ARL1: variants seen among roughly 807,000 people sequenced by gnomAD.
The protein encoded by ARL1 is ARF like GTPase 1, also known as ADP-ribosylation factor-like protein 1.
ARL1 carries 17 observed loss-of-function variants against 30.1 expected under a neutral mutation model. The observed-to-expected ratio is 0.56, with a 90% CI of 0.39 to 0.85. ARL1 has a LOEUF of 0.85. Among genes scored for constraint, ARL1 ranks in the 40% least tolerant of loss-of-function variants. The probability of loss-of-function intolerance (pLI) is 0.00; values close to 1 mark genes in which losing one functional copy is unlikely to be tolerated. For missense variants in ARL1, 102 were observed against 212.6 expected (o/e 0.48, Z 3.24); for synonymous variants, 58 against 71.7 (o/e 0.81, Z 0.97).
chr12:101,406,714 C>T (rs148919084), intron 1 of ARL1, among the ~76,000 whole-genome samples: 1 of 152,122 alleles, frequency 6.6e-6, no homozygotes, highest in Non-Finnish European at 1.5e-5. Context: ...CTAAGAGCTG[C>T]GAGTTGAAAA....
At chr12:101,396,355 G>T in intron 5 of ARL1, 44 bp downstream of exon 5, 1 of 1,610,338 alleles carries the variant, frequency 6.2e-7, no homozygotes, top group South Asian at 1.1e-5. Flanking sequence ...ATAGCTGCAA[G>T]CACACACAAA....
At position 101,405,342 on chromosome 12, in the gene ARL1, T is replaced by C. The variant is rs947997200; in HGVS notation, c.142+502A>G. ...TAACATCACTTAACATTTATATAAT[T>C]CTTTACACAGATTTAAAAGGTACTT... On this transcript the variant is annotated intron_variant, in intron 2 of 5. Transcript: ENST00000261636. Among the ~76,000 whole-genome samples the C allele has an allele frequency of 2.9e-4, 44 of 152,304 alleles. 1 individual carries two copies. The highest frequency in any genetic ancestry group is 1.0e-3 in the African/African-American group (42 of 41,552).
chr12:101,395,804 C>T (rs915686298), intron 5 of ARL1, 134 bp from the exon 6 acceptor site: 4 of 614,256 alleles, frequency 6.5e-6, no homozygotes, highest in Non-Finnish European at 1.1e-5. Context: ...TGAGGTTATG[C>T]ACTAGATATC....
At chr12:101,399,749 G>C (rs1871253358) in intron 4 of ARL1, among the ~76,000 whole-genome samples, 1 of 151,674 alleles carries the variant, frequency 6.6e-6, no homozygotes, top group Admixed American at 6.6e-5. Context: ...TTTAAAAATG[G>C]ATTATTTAAT....
intron 5 of ARL1, among the ~76,000 whole-genome samples, chr12:101,395,953 A>C (rs1474937053): frequency 1.3e-5 from 2 of 152,204 alleles, no homozygotes; most frequent in Non-Finnish European, 2.9e-5. Context: ...CTCAATCCTC[A>C]AGGAGGTGAT....
Position 101,401,462 on chromosome 12 carries a change from C to T in ARL1, c.225-289G>A, listed in dbSNP as rs1446809113. The T allele has an allele frequency of 1.7e-5, 3 of 175,408 alleles. No homozygotes were observed. In the Admixed American group the frequency reaches 1.9e-4, roughly 11 times the overall value. The allele number at this position is 175,408 out of a possible 1,614,324, so 10.9% of individuals were successfully genotyped here. ...GACCAGCCTGACCAACATGGAGAAA[C>T]CCCATCTCTACTAAAAATACAAAAT... On this transcript the variant is annotated intron_variant, in intron 3 of 5. Transcript: ENST00000261636.
In ARL1 at chr12:101,395,470, A is replaced by G; in HGVS notation, c.*170T>C. ...AACATTCAGGTGATTCGATCAAATT[A>G]TCCCTCCAACTAAATACTTATTTTC... On this transcript the variant is annotated 3_prime_UTR_variant, in exon 6 of 6. Transcript: ENST00000261636. 1 of 574,460 alleles carries G rather than the reference A, an allele frequency of 1.7e-6. No homozygotes were observed. 35.6% of individuals were successfully genotyped at this position (574,460 alleles called of 1,614,324 possible). A position where few individuals can be genotyped will look rare whatever the true frequency, so the allele number is the denominator to read the frequency against.
intron 1 of ARL1, among the ~76,000 whole-genome samples, 153 bp from the exon 2 acceptor site, chr12:101,406,134 A>G (rs2121128847): frequency 6.6e-6 from 1 of 152,324 alleles, no homozygotes; most frequent in East Asian, 1.9e-4. Context: ...AATGAAATAT[A>G]TTATTCAATA....
chr12:101,406,311 C>T (rs1871439081), intron 1 of ARL1, among the ~76,000 whole-genome samples: 1 of 152,082 alleles, frequency 6.6e-6, no homozygotes, highest in South Asian at 2.1e-4. Context: ...CCTCACTACC[C>T]CTAAAAACCA....
At chr12:101,404,929 T>C (rs1871398687) in intron 2 of ARL1, among the ~76,000 whole-genome samples, 1 of 152,242 alleles carries the variant, frequency 6.6e-6, no homozygotes, top group South Asian at 2.1e-4. Flanking sequence ...TGGAGTGCAA[T>C]GGTGCAATCT....
chr12:101,404,314 T>C (rs1040971106), intron 2 of ARL1, among the ~76,000 whole-genome samples: 5 of 151,550 alleles, frequency 3.3e-5, no homozygotes, highest in Non-Finnish European at 7.4e-5. Context: ...GAGGTAGAGG[T>C]AGAGGTAGAC....
chr12:101,400,938 T>A, intron 4 of ARL1, 124 bp downstream of exon 4: 1 of 685,120 alleles, frequency 1.5e-6, no homozygotes, highest in Non-Finnish European at 2.4e-6. Context: ...AGAAAATCAT[T>A]TCCATAAAAG....
At chr12:101,398,689 C>T (rs1477762921) in intron 4 of ARL1, among the ~76,000 whole-genome samples, 1 of 152,048 alleles carries the variant, frequency 6.6e-6, no homozygotes, top group Non-Finnish European at 1.5e-5. Flanking sequence ...CCACCTGCCT[C>T]GGCCTCCCAA....
At chr12:101,405,786 G>A in intron 2 of ARL1, 58 bp downstream of exon 2, 2 of 1,471,908 alleles carry the variant, frequency 1.4e-6, no homozygotes, top group Non-Finnish European at 1.8e-6. Context: ...GAAAGAAATA[G>A]TTATGTTGGA....
At chr12:101,400,610 C>T (rs1197564541) in intron 4 of ARL1, among the ~76,000 whole-genome samples, 3 of 152,024 alleles carry the variant, frequency 2.0e-5, no homozygotes, top group Non-Finnish European at 4.4e-5. Flanking sequence ...TGTGCAAGCT[C>T]GTGTCCAAAG....
chr12:101,407,805 C>T (rs957742652), upstream of ARL1: 52 of 1,029,264 alleles, frequency 5.1e-5, no homozygotes, highest in East Asian at 2.4e-5. Flanking sequence ...GCGCCGGGAA[C>T]GGTGGCCTGA....
chr12:101,405,418 T>C (rs1871412854), intron 2 of ARL1, among the ~76,000 whole-genome samples: 1 of 152,232 alleles, frequency 6.6e-6, no homozygotes, highest in African/African-American at 2.4e-5. Flanking sequence ...TTTGTTATCT[T>C]ATGTATTTTA....
At chr12:101,401,234 T>C (rs1593466149) in intron 3 of ARL1, 61 bp from the exon 4 acceptor site, 2 of 1,112,834 alleles carry the variant, frequency 1.8e-6, no homozygotes, top group East Asian at 4.7e-5. Context: ...AACTGACATA[T>C]CAATTGCCAA....
Position 101,407,733 on chromosome 12 carries a change from C to T in ARL1, c.-88G>A. ...GAGGCGGTTTCCTCGCAAGCCCAGT[C>T]AGCCAGCAACTTCCACGTCGGACTC... is the stretch of plus-strand genomic sequence containing the variant. On this transcript the variant is annotated 5_prime_UTR_variant, in exon 1 of 6. Transcript: ENST00000261636. 3.1e-6 allele frequency: 5 copies of T among 1,587,634 alleles called. No individual in the cohort carries two copies. The highest frequency in any genetic ancestry group is 4.3e-6 in the Non-Finnish European group (5 of 1,161,740).
Sources: gnomAD v4.1 joint callset for allele counts (sites outside exome capture counted in the v4.1 genomes callset) on GRCh38, gnomAD v4.1.1 for gene constraint, MANE v1.5 for transcripts, NCBI Gene and HGNC (gene_info 2026-07-23, HGNC 2026-07-21) for gene names.